ANO4: variants seen among roughly 807,000 people sequenced by gnomAD.
ANO4 encodes the protein anoctamin 4.
ANO4 carries 69 observed loss-of-function variants against 141.9 expected under a neutral mutation model. The ratio of observed to expected loss-of-function variants is 0.49; its 90% confidence interval spans 0.40 to 0.59. The LOEUF is 0.59. Ranked by LOEUF, ANO4 falls within the 20% of genes least tolerant of loss-of-function variation. The pLI is 0.00. For synonymous variants in ANO4, 350 were observed against 394.3 expected (o/e 0.89, Z 1.33); for missense variants, 894 against 1,162.2 (o/e 0.77, Z 3.36).
intron 21 of ANO4, among the ~76,000 whole-genome samples, chr12:101,098,971 C>T (rs1269813687): frequency 6.6e-6 from 1 of 152,134 alleles, no homozygotes; most frequent in Admixed American, 6.5e-5. Context: ...TCAATGCTTT[C>T]TCATATTACA....
chr12:100,837,959 A>G (rs947521672), intron 1 of ANO4, among the ~76,000 whole-genome samples: 2 of 152,090 alleles, frequency 1.3e-5, no homozygotes, highest in Non-Finnish European at 2.9e-5. Flanking sequence ...TTCCTTTTTA[A>G]CAGACCAGCT....
At chr12:100,751,838 G>A (rs1565854936) in intron 3 of ANO4, among the ~76,000 whole-genome samples, 1 of 152,108 alleles carries the variant, frequency 6.6e-6, no homozygotes, top group Admixed American at 6.6e-5. Flanking sequence ...TATAAAGAGG[G>A]CATTTAATTT....
rs539668259 is a variant in ANO4, at chr12:100,736,617, C to T, written c.106+2760C>T. On this transcript the variant is annotated intron_variant, in intron 2 of 29. Coordinates refer to the ANO4 transcript ENST00000644049. ...TCCCCCAAAAAGGTACTTTGAAGTT[C>T]GAATCCCCAGTACCTGTGATTGTGA... Among the ~76,000 whole-genome samples the T allele has an allele frequency of 1.5e-3, 221 of 152,208 alleles. 2 individuals carry two copies. Among genetic ancestry groups the T allele is most frequent in the African/African-American group, 5.2e-3 (217 of 41,542 alleles).
intron 8 of ANO4, among the ~76,000 whole-genome samples, chr12:101,009,368 A>G (rs551123846): frequency 6.6e-6 from 1 of 152,246 alleles, no homozygotes; most frequent in South Asian, 2.1e-4. Flanking sequence ...GAACTGTGAG[A>G]AAACAAATTT....
chr12:101,074,150 A>G (rs1385404319), intron 14 of ANO4, among the ~76,000 whole-genome samples: 1 of 152,178 alleles, frequency 6.6e-6, no homozygotes, highest in Non-Finnish European at 1.5e-5. Context: ...GTTCATTAAG[A>G]TAAGGTTAGA....
chr12:100,859,004 C>A (rs558102602), intron 1 of ANO4: 1 of 152,258 alleles, frequency 6.6e-6, no homozygotes, highest in East Asian at 1.9e-4. Flanking sequence ...TTGAGGAAGT[C>A]AAGTCTCAGG....
At chr12:101,008,824 A>G (rs773311619) in intron 8 of ANO4, among the ~76,000 whole-genome samples, 1 of 152,154 alleles carries the variant, frequency 6.6e-6, no homozygotes, top group Non-Finnish European at 1.5e-5. Context: ...GAGCCTTCTG[A>G]CAAGTTCCAA....
chr12:101,028,377 T>C (rs1358609781), intron 9 of ANO4, among the ~76,000 whole-genome samples: 5 of 151,982 alleles, frequency 3.3e-5, no homozygotes, highest in African/African-American at 9.7e-5. Context: ...AACAAAAAAC[T>C]CCACTGAGCT....
intron 1 of ANO4, among the ~76,000 whole-genome samples, chr12:100,810,245 GTCCAAGCACAGGGAAATGGTA>G (rs1347345790): frequency 2.9e-4 from 44 of 151,928 alleles, no homozygotes; most frequent in African/African-American, 9.9e-4. Context: ...GGGAAATGGT[GTCCAAGCACAGGGAAATGGTA>G]TCCAAAAGAG....
chr12:101,039,754 G>A (rs553405178), intron 10 of ANO4, among the ~76,000 whole-genome samples: 6 of 152,208 alleles, frequency 3.9e-5, no homozygotes, highest in Admixed American at 1.3e-4. Flanking sequence ...TAGCAAGCAC[G>A]TGCATTTTAC....
chr12:100,942,324 T>G, intron 4 of ANO4, 53 bp from the exon 5 acceptor site: 3 of 1,575,982 alleles, frequency 1.9e-6, no homozygotes, highest in Non-Finnish European at 8.6e-7. Context: ...ATTACTCACT[T>G]GAACCTCAAT....
chr12:100,753,733 T>G (rs1188291767), intron 3 of ANO4, among the ~76,000 whole-genome samples: 1 of 152,244 alleles, frequency 6.6e-6, no homozygotes, highest in Non-Finnish European at 1.5e-5. Flanking sequence ...AGTTGATTCA[T>G]GAAATTAGAT....
intron 1 of ANO4, among the ~76,000 whole-genome samples, chr12:100,841,409 A>G (rs563187516): frequency 1.4e-4 from 21 of 152,334 alleles, no homozygotes; most frequent in Admixed American, 1.3e-3. Flanking sequence ...GACAAAGTCT[A>G]TATCCCACAG....
At chr12:101,017,149 A>T (rs2046346843) in intron 8 of ANO4, among the ~76,000 whole-genome samples, 1 of 152,168 alleles carries the variant, frequency 6.6e-6, no homozygotes, top group Admixed American at 6.5e-5. Flanking sequence ...GGTTTAATGG[A>T]CTCACAGTTC....
chr12:101,065,794 C>T (rs536439255), intron 14 of ANO4, among the ~76,000 whole-genome samples: 1 of 152,202 alleles, frequency 6.6e-6, no homozygotes, highest in Non-Finnish European at 1.5e-5. Context: ...CAAAACCAGA[C>T]AAAGACACAT....
chr12:100,810,862 G>T (rs2035384475), intron 1 of ANO4, among the ~76,000 whole-genome samples: 1 of 152,100 alleles, frequency 6.6e-6, no homozygotes, highest in South Asian at 2.1e-4. Context: ...ATGAACTCTT[G>T]CAGGCTAAAC....
intron 5 of ANO4, among the ~76,000 whole-genome samples, chr12:100,958,115 C>T (rs2043249370): frequency 6.6e-6 from 1 of 152,180 alleles, no homozygotes; most frequent in Non-Finnish European, 1.5e-5. Context: ...TCCTTTATTC[C>T]TTTGACTTAT....
chr12:101,101,044 C>T (rs2050165879), intron 22 of ANO4, among the ~76,000 whole-genome samples: 2 of 152,132 alleles, frequency 1.3e-5, no homozygotes, highest in Non-Finnish European at 2.9e-5. Flanking sequence ...GCTGCTTTGG[C>T]ACTGCAACAG....
intron 2 of ANO4, among the ~76,000 whole-genome samples, chr12:100,910,460 CTGTT>C (rs1464723056): frequency 6.6e-6 from 1 of 152,012 alleles, no homozygotes; most frequent in African/African-American, 2.4e-5. Context: ...ATTCTTTCTC[CTGTT>C]TATCAATTTC....
Sources: allele counts gnomAD v4.1 joint callset (sites outside exome capture counted in the v4.1 genomes callset), GRCh38; gene constraint gnomAD v4.1.1; transcripts MANE v1.5; gene names NCBI Gene and HGNC (gene_info 2026-07-23, HGNC 2026-07-21).